Variants in PAAF1 observed in about 807,000 individuals in gnomAD.
PAAF1 encodes proteasomal ATPase associated factor 1.
Under a neutral mutation model 52.8 loss-of-function variants are expected in PAAF1, and 46 were observed. That is an observed-to-expected ratio of 0.87 (90% CI 0.69 to 1.11). The LOEUF (loss-of-function observed/expected upper bound fraction) is 1.11. PAAF1 is among the 50% of genes most tolerant of loss of function. The pLI is 0.00. For synonymous variants in PAAF1, 178 were observed against 172.8 expected (o/e 1.03, Z -0.24); for missense variants, 424 against 477.4 (o/e 0.89, Z 1.04).
intron 4 of PAAF1, among the ~76,000 whole-genome samples, chr11:73,892,185 A>T (rs1333234308): frequency 6.6e-6 from 1 of 151,868 alleles, no homozygotes; most frequent in African/African-American, 2.4e-5. Context: ...TTAGCCAGAC[A>T]TGGTGCCACA....
intron 3 of PAAF1, chr11:73,888,999 G>A: frequency 2.0e-6 from 1 of 500,406 alleles, no homozygotes. Context: ...TTGCAGATAA[G>A]CAAACCAACT....
intron 4 of PAAF1, among the ~76,000 whole-genome samples, chr11:73,892,798 A>T (rs1358216221): frequency 6.6e-6 from 1 of 152,094 alleles, no homozygotes; most frequent in African/African-American, 2.4e-5. Context: ...AGCTGGGATT[A>T]CAGGTGCCTG....
In PAAF1 at chr11:73,877,038, G is replaced by T; in HGVS notation, c.17G>T (p.Arg6Met). MAAPL[R>M]IQSDWAQALR... ...GGGGTCGAGATGGCGGCGCCTTTGA[G>T]GATTCAGAGCGACTGGGCGCAAGCC... Residue 6 changes from arginine to methionine, a missense_variant, in exon 1 of 12, where the codon AGG (arginine) becomes ATG (methionine). By Grantham distance (91) the Arg-to-Met change is moderately conservative (BLOSUM62 -1). Coordinates refer to ENST00000310571, the MANE Select transcript of PAAF1 (RefSeq NM_025155.3). The T allele has an allele frequency of 6.5e-7, 1 of 1,535,562 alleles. No homozygotes were observed. The highest frequency in any genetic ancestry group is 1.2e-5 in the South Asian group (1 of 81,578).
At chr11:73,887,071 G>A in intron 2 of PAAF1, 1 of 455,250 alleles carries the variant, frequency 2.2e-6, no homozygotes, top group South Asian at 1.6e-5. Flanking sequence ...AGATGCTGGT[G>A]CCATGCTTCT....
intron 4 of PAAF1, among the ~76,000 whole-genome samples, chr11:73,896,283 TTTTC>T (rs1949357581): frequency 7.2e-6 from 1 of 138,444 alleles, no homozygotes; most frequent in Admixed American, 7.2e-5. Flanking sequence ...ATGTTTCTTT[TTTTC>T]TTTTTTTCTT....
intron 2 of PAAF1, among the ~76,000 whole-genome samples, chr11:73,882,637 C>G (rs934874845): frequency 5.9e-5 from 9 of 151,356 alleles, no homozygotes; most frequent in African/African-American, 2.2e-4. Flanking sequence ...GAGTCTCGCT[C>G]TGTTGCCCAG....
intron 5 of PAAF1, among the ~76,000 whole-genome samples, 164 bp downstream of exon 5, chr11:73,899,408 CTTTTTTTT>C (rs71065053): frequency 2.0e-5 from 2 of 101,220 alleles, no homozygotes; most frequent in Non-Finnish European, 3.9e-5. Flanking sequence ...TTCTTTTTCT[CTTTTTTTT>C]TTTTTTTTTT....
At chr11:73,894,421 A>T (rs555167833) in intron 4 of PAAF1, among the ~76,000 whole-genome samples, 1 of 151,988 alleles carries the variant, frequency 6.6e-6, no homozygotes, top group Non-Finnish European at 1.5e-5. Flanking sequence ...GGGCAGATCA[A>T]TTGAGGCCAG....
chr11:73,909,104 A>T (rs1949856308), intron 6 of PAAF1, among the ~76,000 whole-genome samples: 1 of 152,232 alleles, frequency 6.6e-6, no homozygotes, highest in East Asian at 1.9e-4. Flanking sequence ...TTTTCTTTTT[A>T]AAAAAGAGTT....
rs1003991219 is a variant in PAAF1, at chr11:73,877,930, CTATT to C, written c.48-848_48-845del. Reference sequence around the variant, plus strand: ...GTCTTAATTAGGAATACACAGCAAACTATTCATTCATCTAACATTTATTGATCTT... The same window carrying C: ...GTCTTAATTAGGAATACACAGCAAACCATTCATCTAACATTTATTGATCTT... On this transcript the variant is annotated intron_variant, in intron 1 of 11. Coordinates refer to ENST00000310571, the MANE Select transcript of PAAF1 (RefSeq NM_025155.3). 5.3e-5 allele frequency among the ~76,000 whole-genome samples: 8 copies of C among 152,266 alleles called. No individual in the cohort carries two copies. In the East Asian group the frequency reaches 7.7e-4, roughly 15 times the overall value.
At chr11:73,884,481 C>G (rs572784762) in intron 2 of PAAF1, among the ~76,000 whole-genome samples, 1 of 152,038 alleles carries the variant, frequency 6.6e-6, no homozygotes. Flanking sequence ...GGTGACAGAG[C>G]GAGACCCTGT....
chr11:73,885,627 A>G (rs187596574), intron 2 of PAAF1, among the ~76,000 whole-genome samples: 8,551 of 150,780 alleles, frequency 0.057, 265 homozygotes, highest in Middle Eastern at 0.11. Context: ...GGATCACCTG[A>G]GGGGAGGAGC....
chr11:73,898,894 A>T (rs1408558132), intron 4 of PAAF1, among the ~76,000 whole-genome samples: 1 of 152,204 alleles, frequency 6.6e-6, no homozygotes, highest in African/African-American at 2.4e-5. Context: ...AAAACTTTTT[A>T]GCTGAAGCAT....
chr11:73,876,948 C>T, upstream of PAAF1: 2 of 1,425,416 alleles, frequency 1.4e-6, no homozygotes, highest in South Asian at 2.9e-5. Context: ...CCACCTCTGT[C>T]CTCGCCGCAC....
chr11:73,899,362 C>A, intron 5 of PAAF1, 118 bp downstream of exon 5: 2 of 578,030 alleles, frequency 3.5e-6, no homozygotes, highest in East Asian at 3.1e-5. Flanking sequence ...CTCTGCATGT[C>A]AGTTGATCTC....
intron 2 of PAAF1, among the ~76,000 whole-genome samples, chr11:73,886,672 CAAAAAAAAAAAAA>C (rs55697916): frequency 1.4e-3 from 48 of 34,278 alleles, no homozygotes; most frequent in Middle Eastern, 0.043. Context: ...GACTCCATCT[CAAAAAAAAAAAAA>C]AAAAAAAAAA....
intron 6 of PAAF1, among the ~76,000 whole-genome samples, chr11:73,903,280 G>C (rs181064496): frequency 6.6e-6 from 1 of 152,306 alleles, no homozygotes; most frequent in Non-Finnish European, 1.5e-5. Flanking sequence ...TTCTTCCACA[G>C]CGTGGCAAAA....
At chr11:73,910,663 T>A (rs1466731474) in intron 7 of PAAF1, among the ~76,000 whole-genome samples, 2 of 152,160 alleles carry the variant, frequency 1.3e-5, no homozygotes, top group Non-Finnish European at 2.9e-5. Flanking sequence ...CCTTATTTTT[T>A]AGGGCCATTT....
rs150332375 is a variant in PAAF1 at position 73,892,325 on chromosome 11, C to CA, written c.282+1141dup. Reference sequence around the variant, plus strand: ...GCAACAGAATGAGACACTGTCTCACCAAAAAAAAAAAAAAAAAGAAAGAAA... The same window carrying CA: ...GCAACAGAATGAGACACTGTCTCACCAAAAAAAAAAAAAAAAAAGAAAGAAA... On this transcript the variant is annotated intron_variant, in intron 4 of 11. Coordinates refer to ENST00000310571, the MANE Select transcript of PAAF1 (RefSeq NM_025155.3). Among the ~76,000 whole-genome samples, 439 of 81,642 alleles carry CA rather than the reference C, an allele frequency of 5.4e-3. 3 individuals carry two copies. The highest frequency in any genetic ancestry group is 0.032 in the South Asian group (79 of 2,478). 53.6% of individuals were successfully genotyped at this position (81,642 alleles called of 152,430 possible).
Sources: gnomAD v4.1 joint callset for allele counts (sites outside exome capture counted in the v4.1 genomes callset) on GRCh38, gnomAD v4.1.1 for gene constraint, MANE v1.5 for transcripts, NCBI Gene and HGNC (gene_info 2026-07-23, HGNC 2026-07-21) for gene names.